Variants in CHST11 observed in about 807,000 individuals in gnomAD.
CHST11 encodes the protein C4S-1.
A neutral mutation model predicts 30.4 loss-of-function variants in CHST11; 9 were observed. That is an observed-to-expected ratio of 0.30 (90% CI 0.18 to 0.52). The LOEUF is 0.52. Among genes scored for constraint, CHST11 ranks in the 20% least tolerant of loss-of-function variants. The pLI is 0.97. For missense variants in CHST11, 348 were observed against 460.6 expected (o/e 0.76, Z 2.24); for synonymous variants, 152 against 187.8 (o/e 0.81, Z 1.56).
At chr12:104,615,720 A>G (rs1233369020) in intron 2 of CHST11, among the ~76,000 whole-genome samples, 1 of 152,168 alleles carries the variant, frequency 6.6e-6, no homozygotes, top group Non-Finnish European at 1.5e-5. Context: ...TGAAGTCAGG[A>G]GTTCAAGACC....
At chr12:104,597,930 C>T (rs2038922427) in intron 1 of CHST11, among the ~76,000 whole-genome samples, 1 of 152,158 alleles carries the variant, frequency 6.6e-6, no homozygotes, top group Non-Finnish European at 1.5e-5. Context: ...ATTCTGTCTC[C>T]ACCTCTTTCT....
At chr12:104,486,422 A>G (rs865985583) in intron 1 of CHST11, among the ~76,000 whole-genome samples, 16 of 152,072 alleles carry the variant, frequency 1.1e-4, no homozygotes, top group African/African-American at 3.4e-4. Context: ...TTCACAAATG[A>G]TGACTTCAGC....
At position 104,758,233 on chromosome 12, in the gene CHST11, C is replaced by A. The variant is rs184821253; in HGVS notation, c.*430C>A. The A allele has an allele frequency of 5.5e-4, 90 of 163,794 alleles. No homozygotes were observed. Among genetic ancestry groups the A allele is most frequent in the African/African-American group, 2.0e-3 (84 of 41,620 alleles). The allele number at this position is 163,794 out of a possible 1,614,324, so 10.1% of individuals were successfully genotyped here. A position where few individuals can be genotyped will look rare whatever the true frequency, so the allele number is the denominator to read the frequency against. ...GGGGCATGAATGTTCTCCTTACTAA[C>A]CTCTCATGGAGTCATGTGATAACAG... On this transcript the variant is annotated 3_prime_UTR_variant, in exon 3 of 3. Transcript: ENST00000303694.
At chr12:104,625,596 C>T (rs905600480) in intron 2 of CHST11, among the ~76,000 whole-genome samples, 9 of 152,224 alleles carry the variant, frequency 5.9e-5, no homozygotes, top group African/African-American at 9.6e-5. Context: ...TGAGCCACCA[C>T]GCCCAGCTGG....
intron 1 of CHST11, among the ~76,000 whole-genome samples, chr12:104,540,553 G>T (rs1159758253): frequency 6.6e-6 from 1 of 152,196 alleles, no homozygotes; most frequent in South Asian, 2.1e-4. Context: ...TGGGCCACAA[G>T]GGCACATCCC....
intron 1 of CHST11, among the ~76,000 whole-genome samples, chr12:104,534,199 G>A (rs921408929): frequency 1.3e-5 from 2 of 152,108 alleles, no homozygotes; most frequent in African/African-American, 2.4e-5. Context: ...ATATTTCAGC[G>A]ATAAATTTGG....
intron 1 of CHST11, among the ~76,000 whole-genome samples, chr12:104,557,385 A>T (rs1438776080): frequency 6.6e-6 from 1 of 151,978 alleles, no homozygotes; most frequent in East Asian, 1.9e-4. Context: ...AAGGCTTTGG[A>T]CCTGATCCTG....
intron 2 of CHST11, among the ~76,000 whole-genome samples, chr12:104,712,526 G>C (rs1296914408): frequency 6.6e-6 from 1 of 152,152 alleles, no homozygotes; most frequent in Non-Finnish European, 1.5e-5. Context: ...ATCCAGGTCT[G>C]TCTGTTTCCA....
chr12:104,473,980 G>T (rs11112070), intron 1 of CHST11, among the ~76,000 whole-genome samples: 8,544 of 151,874 alleles, frequency 0.056, 336 homozygotes, highest in South Asian at 0.18. Context: ...TCTTCCAAAG[G>T]CTTAATTGAA....
At chr12:104,724,278 A>G (rs767929211) in intron 2 of CHST11, among the ~76,000 whole-genome samples, 4 of 136,976 alleles carry the variant, frequency 2.9e-5, no homozygotes, top group Non-Finnish European at 4.7e-5. Flanking sequence ...AGGATGCCTC[A>G]GGAGGATGGC....
At chr12:104,472,700 T>C (rs2037522677) in intron 1 of CHST11, among the ~76,000 whole-genome samples, 1 of 152,194 alleles carries the variant, frequency 6.6e-6, no homozygotes, top group Non-Finnish European at 1.5e-5. Context: ...CTTCACTGTC[T>C]TATGGGGCCA....
chr12:104,634,524 C>G (rs561862249), intron 2 of CHST11, among the ~76,000 whole-genome samples: 2 of 152,212 alleles, frequency 1.3e-5, no homozygotes, highest in Non-Finnish European at 2.9e-5. Flanking sequence ...GCCACGTGCC[C>G]GACACGTCTC....
At chr12:104,461,582 T>C (rs564651031) in intron 1 of CHST11, among the ~76,000 whole-genome samples, 13 of 152,318 alleles carry the variant, frequency 8.5e-5, no homozygotes, top group Admixed American at 7.2e-4. Context: ...TCCATAGGAT[T>C]GTGGTTTTTG....
At chr12:104,463,457 TCTC>T (rs1353471403) in intron 1 of CHST11, among the ~76,000 whole-genome samples, 4 of 152,160 alleles carry the variant, frequency 2.6e-5, no homozygotes, top group Admixed American at 6.5e-5. Context: ...GCAGACTTGT[TCTC>T]CTCCTCCCCA....
intron 1 of CHST11, among the ~76,000 whole-genome samples, chr12:104,466,931 A>G (rs2037465583): frequency 1.3e-5 from 2 of 152,186 alleles, no homozygotes; most frequent in Non-Finnish European, 1.5e-5. Context: ...GTTGTCCACA[A>G]AGATACAATG....
rs1468402222 is a variant in CHST11, at chr12:104,550,114, G to A, written c.119-51792G>A. 2.0e-5 allele frequency among the ~76,000 whole-genome samples: 3 copies of A among 152,148 alleles called. No individual in the cohort carries two copies. The East Asian group carries it at 5.8e-4, about 29-fold the overall frequency. ...AACTAGAGGCACCCCTTGTGGCTGT[G>A]CCGAGTTGATGTCCAGAAGAACACT... On this transcript the variant is annotated intron_variant, in intron 1 of 2. Coordinates refer to ENST00000303694, the MANE Select transcript of CHST11 (RefSeq NM_018413.6).
intron 2 of CHST11, among the ~76,000 whole-genome samples, chr12:104,664,917 T>C (rs565376752): frequency 1.3e-5 from 2 of 152,296 alleles, no homozygotes; most frequent in African/African-American, 4.8e-5. Flanking sequence ...CCAAAATATA[T>C]TTAATAACCT....
chr12:104,710,645 TGTTA>T (rs2040079550), intron 2 of CHST11, among the ~76,000 whole-genome samples: 1 of 152,194 alleles, frequency 6.6e-6, no homozygotes, highest in African/African-American at 2.4e-5. Flanking sequence ...TTTCCTTTGA[TGTTA>T]GTTAGCAGTA....
rs1429387016 is a variant in CHST11, at chr12:104,600,407, G to A, written c.119-1499G>A. Among the ~76,000 whole-genome samples, 1 of 152,178 alleles carries A rather than the reference G, an allele frequency of 6.6e-6. No individual in the cohort carries two copies. Among genetic ancestry groups the A allele is most frequent in the Non-Finnish European group, 1.5e-5 (1 of 68,018 alleles). On this transcript the variant is annotated intron_variant, in intron 1 of 2. Transcript: ENST00000303694. The surrounding 1 kb of genome is among the most constrained non-coding windows in gnomAD (Gnocchi z 4.1). Reference sequence around the variant, plus strand: ...CCCCTTGATAGCCACAAATAGAGAAGTTCCCGCCTTCCTCCCAGGGGGATC... The same window carrying A: ...CCCCTTGATAGCCACAAATAGAGAAATTCCCGCCTTCCTCCCAGGGGGATC...
Sources: gnomAD v4.1 joint callset for allele counts (sites outside exome capture counted in the v4.1 genomes callset) on GRCh38, gnomAD v4.1.1 for gene constraint, Gnocchi (gnomAD v3.1) non-coding constraint, MANE v1.5 for transcripts, NCBI Gene and HGNC (gene_info 2026-07-23, HGNC 2026-07-21) for gene names.